The following KIAA1143 variants were observed in gnomAD, a reference collection of about 807,000 sequenced individuals.
KIAA1143 encodes uncharacterized protein KIAA1143.
A neutral mutation model predicts 17.0 loss-of-function variants in KIAA1143; 8 were observed. The observed-to-expected ratio is 0.47, with a 90% confidence interval of 0.28 to 0.85. KIAA1143 has a LOEUF of 0.85. KIAA1143 is among the 40% of genes least tolerant of loss of function. KIAA1143 has a pLI of 0.12. For missense variants in KIAA1143, 162 were observed against 183.3 expected (o/e 0.88, Z 0.67); for synonymous variants, 64 against 67.8 (o/e 0.94, Z 0.27).
At position 44,754,382 on chromosome 3, in the gene KIAA1143, C is replaced by G. The variant is rs771311675; in HGVS notation, c.109-14G>C. 4 of 1,612,782 alleles carry G rather than the reference C, an allele frequency of 2.5e-6. No individual in the cohort carries two copies. Among genetic ancestry groups the G allele is most frequent in the Non-Finnish European group, 2.5e-6 (3 of 1,179,060 alleles). On this transcript the variant is annotated splice_polypyrimidine_tract_variant and intron_variant, in intron 1 of 2. Transcript: ENST00000296121. The stretch of plus-strand genomic sequence containing the variant: ...AGGCTGAATTCTCTAGGGAAAAACA[C>G]AAATACAATGTGTAGATCACTGATC...
At chr3:44,757,934 C>G (rs1705001037) in intron 1 of KIAA1143, among the ~76,000 whole-genome samples, 1 of 152,176 alleles carries the variant, frequency 6.6e-6, no homozygotes, top group South Asian at 2.1e-4. Flanking sequence ...AATTGTCACA[C>G]AAATTTTCTG....
rs1236085881 is a variant in KIAA1143 at position 44,751,694 on chromosome 3, T to C, written c.*1647A>G. 6.6e-6 allele frequency: 1 copy of C among 152,168 alleles called. No individual in the cohort carries two copies. The allele number at this position is 152,168 out of a possible 1,614,324, so 9.4% of individuals were successfully genotyped here. Reference sequence around the variant, plus strand: ...GCCAGCCCATTATTAATGATTATATTTGCCTTGGTTTTTGGACCATATCTG... The same window carrying C: ...GCCAGCCCATTATTAATGATTATATCTGCCTTGGTTTTTGGACCATATCTG... On this transcript the variant is annotated 3_prime_UTR_variant, in exon 3 of 3. Transcript: ENST00000296121.
chr3:44,760,686 CT>C (rs543256879), intron 1 of KIAA1143, among the ~76,000 whole-genome samples: 217 of 139,124 alleles, frequency 1.6e-3, no homozygotes, highest in African/African-American at 2.8e-3. Flanking sequence ...CCAGGCCCGG[CT>C]TTTTTTTTTT....
chr3:44,754,347 C>A lies in KIAA1143; in HGVS notation c.130G>T (p.Asp44Tyr), dbSNP rs770056797. Residue 44 changes from aspartate to tyrosine, a missense_variant, in exon 2 of 3, where the codon GAT becomes TAT. Around this residue, in one of 2 missense-constraint regions of KIAA1143, gnomAD observed 137 missense variants for 132.5 expected, o/e 1.03. Transcript: ENST00000296121. ...ETKRIQPQPP[D>Y]EDGDHSDKED... ...TTGTCACTGTGATCCCCATCTTCATCTGGGGGCTGAGGCTGAATTCTCTAG... is the reference window on the plus strand; with the variant it reads ...TTGTCACTGTGATCCCCATCTTCATATGGGGGCTGAGGCTGAATTCTCTAG... The A allele has an allele frequency of 2.5e-6, 4 of 1,613,846 alleles. No homozygotes were observed. The East Asian group carries it at 8.9e-5, about 36-fold the overall frequency.
chr3:44,751,603 C>G lies in KIAA1143; in HGVS notation c.*1738G>C, dbSNP rs556777261. 6.6e-5 allele frequency: 10 copies of G among 152,280 alleles called. No individual in the cohort carries two copies. In the South Asian group the frequency reaches 1.7e-3, roughly 25 times the overall value. The allele number at this position is 152,280 out of a possible 1,614,324, so 9.4% of individuals were successfully genotyped here. ...ACCTGAAAACTAGCTGACTGGGCCTCTAAAATATGACAACAGCTGGGGCAC... is the reference window on the plus strand; with the variant it reads ...ACCTGAAAACTAGCTGACTGGGCCTGTAAAATATGACAACAGCTGGGGCAC... On this transcript the variant is annotated 3_prime_UTR_variant, in exon 3 of 3. Coordinates refer to ENST00000296121, the MANE Select transcript of KIAA1143 (RefSeq NM_020696.4).
chr3:44,752,349 C>T lies in KIAA1143; in HGVS notation c.*992G>A, dbSNP rs1704903164. The T allele has an allele frequency of 1.3e-5, 2 of 150,962 alleles. No homozygotes were observed. The highest frequency in any genetic ancestry group is 6.6e-5 in the Admixed American group (1 of 15,128). 9.4% of individuals were successfully genotyped at this position (150,962 alleles called of 1,614,324 possible). ...TGTACGCCAAGTAACCAATGGCAAA[C>T]CTCTAGAGGATATTCATTGCTTTGT... On this transcript the variant is annotated 3_prime_UTR_variant, in exon 3 of 3. Coordinates refer to ENST00000296121, the MANE Select transcript of KIAA1143 (RefSeq NM_020696.4).
intron 1 of KIAA1143, among the ~76,000 whole-genome samples, 161 bp from the exon 2 acceptor site, chr3:44,754,529 A>C (rs959323238): frequency 6.6e-6 from 1 of 152,218 alleles, no homozygotes; most frequent in Non-Finnish European, 1.5e-5. Flanking sequence ...AGCTTGCCAC[A>C]CAAGGGAACA....
intron 1 of KIAA1143, among the ~76,000 whole-genome samples, chr3:44,760,382 T>C (rs1269905193): frequency 6.6e-6 from 1 of 152,190 alleles, no homozygotes; most frequent in Non-Finnish European, 1.5e-5. Context: ...CGGCTTCTGC[T>C]TACTCTTCTT....
chr3:44,761,451 G>C (rs1268431772), intron 1 of KIAA1143, 44 bp downstream of exon 1: 2 of 1,481,408 alleles, frequency 1.4e-6, no homozygotes, highest in South Asian at 2.3e-5. Context: ...TGAAAGTGGC[G>C]GGCTGGCTGC....
Position 44,752,377 on chromosome 3 carries a change from G to A in KIAA1143, c.*964C>T, listed in dbSNP as rs992642646. On this transcript the variant is annotated 3_prime_UTR_variant, in exon 3 of 3. Transcript: ENST00000296121. ...CTAGAGGATATTCATTGCTTTGTGCGTTTTGTTCAATTATTTGTCCAAAAT... is the reference window on the plus strand; with the variant it reads ...CTAGAGGATATTCATTGCTTTGTGCATTTTGTTCAATTATTTGTCCAAAAT... The A allele has an allele frequency of 1.1e-4, 17 of 151,632 alleles. No homozygotes were observed. Among genetic ancestry groups the A allele is most frequent in the Admixed American group, 8.6e-4 (13 of 15,194 alleles). The allele number at this position is 151,632 out of a possible 1,614,324, so 9.4% of individuals were successfully genotyped here.
intron 1 of KIAA1143, among the ~76,000 whole-genome samples, chr3:44,756,514 G>A (rs1021127082): frequency 1.3e-5 from 2 of 152,204 alleles, no homozygotes; most frequent in African/African-American, 4.8e-5. Context: ...AGTGAGCTGA[G>A]ATCGAGTCAC....
chr3:44,754,982 T>A (rs1219691275), intron 1 of KIAA1143, among the ~76,000 whole-genome samples: 1 of 152,186 alleles, frequency 6.6e-6, no homozygotes, highest in African/African-American at 2.4e-5. Context: ...GTACAGAGAA[T>A]AACATAACAG....
rs1277197506 is a variant in KIAA1143 at position 44,751,291 on chromosome 3, A to C, written c.*2050T>G. The C allele has an allele frequency of 6.6e-6, 1 of 152,112 alleles. No homozygotes were observed. Among genetic ancestry groups the C allele is most frequent in the Non-Finnish European group, 1.5e-5 (1 of 68,034 alleles). 9.4% of individuals were successfully genotyped at this position (152,112 alleles called of 1,614,324 possible). ...CCTCATTATACCTTTAACTGCAACC[A>C]CCAGACACAACGGCTAGGAATAACA... On this transcript the variant is annotated 3_prime_UTR_variant, in exon 3 of 3. Coordinates refer to ENST00000296121, the MANE Select transcript of KIAA1143 (RefSeq NM_020696.4).
At chr3:44,758,830 T>C (rs1705013511) in intron 1 of KIAA1143, among the ~76,000 whole-genome samples, 1 of 152,028 alleles carries the variant, frequency 6.6e-6, no homozygotes, top group Admixed American at 6.6e-5. Context: ...GGAATCACTA[T>C]CCATGGCAGC....
chr3:44,758,149 T>C (rs1016438860), intron 1 of KIAA1143, among the ~76,000 whole-genome samples: 1 of 152,202 alleles, frequency 6.6e-6, no homozygotes, highest in African/African-American at 2.4e-5. Context: ...ACATTAAAAA[T>C]CATCTGAGCC....
At chr3:44,760,723 T>C (rs1197749104) in intron 1 of KIAA1143, among the ~76,000 whole-genome samples, 1 of 143,316 alleles carries the variant, frequency 7.0e-6, no homozygotes, top group East Asian at 2.1e-4. Flanking sequence ...TCTCGCTCTG[T>C]TGTCCAGGCT....
At chr3:44,760,757 C>T (rs985298577) in intron 1 of KIAA1143, among the ~76,000 whole-genome samples, 1 of 147,230 alleles carries the variant, frequency 6.8e-6, no homozygotes, top group Non-Finnish European at 1.5e-5. Context: ...GCCATCTCAA[C>T]TCACTGCAAC....
chr3:44,754,370 T>C lies in KIAA1143; in HGVS notation c.109-2A>G. On this transcript the variant is annotated splice_acceptor_variant, in intron 1 of 2. Transcript: ENST00000296121. LOFTEE classifies it high-confidence loss of function. ...ATCTGGGGGCTGAGGCTGAATTCTC[T>C]AGGGAAAAACACAAATACAATGTGT... 2 of 1,613,590 alleles carry C rather than the reference T, an allele frequency of 1.2e-6. No homozygotes were observed. Among genetic ancestry groups the C allele is most frequent in the Non-Finnish European group, 1.7e-6 (2 of 1,179,674 alleles).
chr3:44,759,764 T>G (rs1575560193), intron 1 of KIAA1143, among the ~76,000 whole-genome samples: 7 of 151,724 alleles, frequency 4.6e-5, no homozygotes, highest in Admixed American at 6.6e-5. Flanking sequence ...ATGCGTTAGT[T>G]CATGCCTGTA....
Sources: gnomAD v4.1 joint callset for allele counts (sites outside exome capture counted in the v4.1 genomes callset) on GRCh38, gnomAD v4.1.1 for gene constraint, gnomAD v4.1.1 regional missense constraint, MANE v1.5 for transcripts, NCBI Gene and HGNC (gene_info 2026-07-23, HGNC 2026-07-21) for gene names.